The following GPR21 variants were observed in gnomAD, a reference collection of about 807,000 sequenced individuals.
GPR21 encodes probable G protein-coupled receptor 21.
In GPR21, 9 loss-of-function variants were observed where a neutral mutation model predicts 21.5. The ratio of observed to expected loss-of-function variants is 0.42; its 90% CI spans 0.25 to 0.73. GPR21 has a LOEUF of 0.73. GPR21 is among the 30% of genes least tolerant of loss of function. GPR21 has a pLI of 0.27. For synonymous variants in GPR21, 169 were observed against 159.3 expected, an observed-to-expected ratio of 1.06 and a Z score of -0.46; for missense variants, 416 against 428.9, an observed-to-expected ratio of 0.97 and a Z score of 0.27.
rs376297981 is a variant in GPR21 at position 123,034,826 on chromosome 9, T to C, written c.260T>C (p.Leu87Ser). 9 of 1,613,918 alleles carry C rather than the reference T, an allele frequency of 5.6e-6. No homozygotes were observed. In the African/African-American group the frequency reaches 1.1e-4, roughly 19 times the overall value. The change falls in exon 2 of 2, where the codon TTA (leucine) becomes TCA (serine). Residue 87 changes from leucine (L) to serine (S), a missense_variant. Leu to Ser is a moderately radical substitution (Grantham distance 145, BLOSUM62 -2). Coordinates refer to ENST00000616002, the MANE Select transcript of GPR21 (RefSeq NM_005294.3). Reference sequence around the variant, plus strand: ...GGGGTGAGCTGCGTGGTCCCTTCTTTATCACTCCTCCATCACCCCCTTCCA... The same window carrying C: ...GGGGTGAGCTGCGTGGTCCCTTCTTCATCACTCCTCCATCACCCCCTTCCA... ...FVGVSCVVPS[L>S]SLLHHPLPVE... is the part of the protein sequence containing the mutation.
Position 123,035,543 on chromosome 9 carries a change from G to C in GPR21, c.977G>C (p.Cys326Ser). The C allele has an allele frequency of 6.2e-7, 1 of 1,613,904 alleles. No individual in the cohort carries two copies. The highest frequency in any genetic ancestry group is 8.5e-7 in the Non-Finnish European group (1 of 1,179,960). Residue 326 changes from cysteine (C) to serine (S), a missense_variant, in exon 2 of 2, where the codon TGT becomes TCT. Physicochemically the swap from Cys to Ser is moderately radical, Grantham distance 112. Coordinates refer to ENST00000616002, the MANE Select transcript of GPR21 (RefSeq NM_005294.3). ...KRLSGAMCTS[C>S]ASQTTANDPY... Reference sequence around the variant, plus strand: ...CTCTCAGGGGCTATGTGTACTTCTTGTGCAAGTCAGACTACAGCCAACGAC... The same window carrying C: ...CTCTCAGGGGCTATGTGTACTTCTTCTGCAAGTCAGACTACAGCCAACGAC...
At chr9:123,046,725 T>A in the GPR21 span, among the ~76,000 whole-genome samples, 1 of 152,162 alleles carries the variant, frequency 6.6e-6, no homozygotes, top group East Asian at 1.9e-4. Context: ...AAGTTTTAAG[T>A]TGAGATATAA....
the GPR21 span, among the ~76,000 whole-genome samples, chr9:123,040,719 G>A: frequency 2.6e-4 from 40 of 152,020 alleles, no homozygotes; most frequent in African/African-American, 5.6e-4. Flanking sequence ...TGAGGGAGCC[G>A]CTCATCTTAG....
Position 123,034,222 on chromosome 9 carries a change from C to T in GPR21, c.-345C>T. On this transcript the variant is annotated 5_prime_UTR_variant, in exon 2 of 2. Coordinates refer to ENST00000616002, the MANE Select transcript of GPR21 (RefSeq NM_005294.3). ...CCTGCTGAAGCTCCTAATCTTCTTCCCTTCTCTTCTACCCTTTCCCCCTAC... is the reference window on the plus strand; with the variant it reads ...CCTGCTGAAGCTCCTAATCTTCTTCTCTTCTCTTCTACCCTTTCCCCCTAC... 3.3e-6 allele frequency: 1 copy of T among 300,148 alleles called. No individual in the cohort carries two copies. The highest frequency in any genetic ancestry group is 6.1e-6 in the Non-Finnish European group (1 of 164,396). The allele number at this position is 300,148 out of a possible 1,614,324, so 18.6% of individuals were successfully genotyped here.
chr9:123,033,683 A>C lies in GPR21; in HGVS notation c.-456A>C, dbSNP rs1007183190. On this transcript the variant is annotated 5_prime_UTR_variant, in exon 1 of 2. Coordinates refer to ENST00000616002, the MANE Select transcript of GPR21 (RefSeq NM_005294.3). ...GGTTGAAGCACATTCCTGCTTTGCA[A>C]GGCTTTCTGCTAAGGATGTATTGTG... The C allele has an allele frequency of 1.3e-5, 2 of 151,988 alleles. No individual in the cohort carries two copies. 9.4% of individuals were successfully genotyped at this position (151,988 alleles called of 1,614,324 possible).
At chr9:123,037,735 A>T (rs662117), downstream of GPR21, among the ~76,000 whole-genome samples, 24 of 151,810 alleles carry the variant, frequency 1.6e-4, no homozygotes, top group East Asian at 4.6e-3. Context: ...TTGTGTGTGT[A>T]TGTGTTGGGA....
At chr9:123,042,330 AACAG>A in the GPR21 span, among the ~76,000 whole-genome samples, 1 of 152,182 alleles carries the variant, frequency 6.6e-6, no homozygotes, top group African/African-American at 2.4e-5. Flanking sequence ...TTTTAATATT[AACAG>A]ACAGCCAGAG....
In GPR21 at chr9:123,034,715, T is replaced by C; in HGVS notation, c.149T>C (p.Ile50Thr). 6.2e-7 allele frequency: 1 copy of C among 1,613,810 alleles called. No individual in the cohort carries two copies. Among genetic ancestry groups the C allele is most frequent in the Non-Finnish European group, 8.5e-7 (1 of 1,179,676 alleles). ...VLIISGNIIV[I>T]FVFHCAPLLN... ...ATTATTTCTGGCAACATCATTGTGA[T>C]TTTTGTATTTCACTGTGCACCTTTG... The change falls in exon 2 of 2, where the codon ATT becomes ACT. Residue 50 changes from isoleucine (I) to threonine (T), a missense_variant. Physicochemically the swap from Ile to Thr is moderately conservative, Grantham distance 89 (BLOSUM62 -1). Transcript: ENST00000616002.
the GPR21 span, among the ~76,000 whole-genome samples, chr9:123,042,632 A>G: frequency 6.6e-6 from 1 of 152,210 alleles, no homozygotes; most frequent in East Asian, 1.9e-4. Context: ...GAAGTAGGTC[A>G]GATAGTGAAA....
chr9:123,041,756 G>C, the GPR21 span, among the ~76,000 whole-genome samples: 1 of 152,198 alleles, frequency 6.6e-6, no homozygotes, highest in Non-Finnish European at 1.5e-5. Context: ...GGAGCAAAAA[G>C]AAACAGCCTG....
At chr9:123,042,205 T>C in the GPR21 span, among the ~76,000 whole-genome samples, 1 of 152,298 alleles carries the variant, frequency 6.6e-6, no homozygotes, top group East Asian at 1.9e-4. Flanking sequence ...GGGCTGACAT[T>C]TGAGGGCTCA....
chr9:123,034,628 A>C lies in GPR21; in HGVS notation c.62A>C (p.Tyr21Ser), dbSNP rs769816970. The C allele has an allele frequency of 1.2e-6, 2 of 1,613,868 alleles. No individual in the cohort carries two copies. The highest frequency in any genetic ancestry group is 1.7e-6 in the Non-Finnish European group (2 of 1,179,780). ...CCTTTTTGCCTCTTGGCATTTGGCT[A>C]TTTGGAAACTGTCAATTTTTGCCTT... ...SHPFCLLAFG[Y>S]LETVNFCLLE... Residue 21 changes from tyrosine to serine, a missense_variant, in exon 2 of 2, where the codon TAT (tyrosine) becomes TCT (serine). Coordinates refer to ENST00000616002, the MANE Select transcript of GPR21 (RefSeq NM_005294.3).
chr9:123,044,773 T>TATC, the GPR21 span, among the ~76,000 whole-genome samples: 1 of 152,128 alleles, frequency 6.6e-6, no homozygotes, highest in Non-Finnish European at 1.5e-5. Flanking sequence ...AGGTGCCTGT[T>TATC]AAATAGATTT....
chr9:123,035,306 A>G lies in GPR21; in HGVS notation c.740A>G (p.Asp247Gly). 1.2e-6 allele frequency: 2 copies of G among 1,614,174 alleles called. No homozygotes were observed. The highest frequency in any genetic ancestry group is 1.7e-6 in the Non-Finnish European group (2 of 1,180,012). Reference protein sequence around the residue: ...GETGEVQACPDKRYAMVLFRI... With the variant: ...GETGEVQACPGKRYAMVLFRI... ...ACTGGGGAAGTGCAGGCCTGTCCTGATAAGCGCTATGCCATGGTCCTGTTT... is the reference window on the plus strand; with the variant it reads ...ACTGGGGAAGTGCAGGCCTGTCCTGGTAAGCGCTATGCCATGGTCCTGTTT... The change falls in exon 2 of 2, where the codon GAT becomes GGT. Residue 247 changes from aspartate to glycine, a missense_variant. Asp to Gly is a moderately conservative substitution (Grantham distance 94). Coordinates refer to ENST00000616002, the MANE Select transcript of GPR21 (RefSeq NM_005294.3).
chr9:123,043,293 A>G, the GPR21 span, among the ~76,000 whole-genome samples: 1 of 152,330 alleles, frequency 6.6e-6, no homozygotes, highest in Admixed American at 6.5e-5. Flanking sequence ...TACGAAAGCA[A>G]CTATGCAGGA....
chr9:123,038,817 A>G (rs1289951126), downstream of GPR21, among the ~76,000 whole-genome samples: 2 of 151,896 alleles, frequency 1.3e-5, no homozygotes, highest in Non-Finnish European at 2.9e-5. Context: ...ATGGCTGTAA[A>G]CGAGTCATTT....
At chr9:123,041,205 C>T in the GPR21 span, among the ~76,000 whole-genome samples, 1 of 152,084 alleles carries the variant, frequency 6.6e-6, no homozygotes, top group Admixed American at 6.5e-5. Context: ...GTTATTAACC[C>T]CATTATACAG....
chr9:123,035,903 A>G (rs1364326317), downstream of GPR21, among the ~76,000 whole-genome samples: 1 of 152,182 alleles, frequency 6.6e-6, no homozygotes, highest in East Asian at 1.9e-4. Context: ...TCAGATTTAA[A>G]ATGAATAAAG....
chr9:123,040,490 C>T (rs1010789895), downstream of GPR21, among the ~76,000 whole-genome samples: 22 of 152,064 alleles, frequency 1.4e-4, no homozygotes, highest in African/African-American at 5.3e-4. Context: ...GCTAACCTAC[C>T]TTCTCATTGA....
Sources: allele counts gnomAD v4.1 joint callset (sites outside exome capture counted in the v4.1 genomes callset), GRCh38; gene constraint gnomAD v4.1.1; transcripts MANE v1.5; gene names NCBI Gene and HGNC (gene_info 2026-07-23, HGNC 2026-07-21).